Variants in FHOD3 observed in about 807,000 individuals in gnomAD.
FHOD3 encodes the protein FH1/FH2 domain-containing protein 3.
FHOD3 carries 90 observed loss-of-function variants against 173.0 expected under a neutral mutation model. The ratio of observed to expected loss-of-function variants is 0.52; its 90% CI spans 0.44 to 0.62. The LOEUF is 0.62. FHOD3 is among the 20% of genes least tolerant of loss of function. The pLI is 0.00. For missense variants in FHOD3, 1,945 were observed against 2,034.7 expected (o/e 0.96, Z 0.85); for synonymous variants, 828 against 823.0 (o/e 1.01, Z -0.10).
intron 2 of FHOD3, among the ~76,000 whole-genome samples, chr18:36,359,506 C>T (rs905382078): frequency 6.6e-6 from 1 of 152,054 alleles, no homozygotes; most frequent in African/African-American, 2.4e-5. Context: ...GGTTATTTTT[C>T]CTGACGTTGT....
chr18:36,502,834 T>C (rs2055109248), intron 4 of FHOD3, among the ~76,000 whole-genome samples: 1 of 152,228 alleles, frequency 6.6e-6, no homozygotes, highest in South Asian at 2.1e-4. Flanking sequence ...CAATATGTGA[T>C]ATTCTTTTGT....
intron 14 of FHOD3, among the ~76,000 whole-genome samples, chr18:36,679,918 ATCTAT>A (rs2038124192): frequency 6.6e-6 from 1 of 152,340 alleles, no homozygotes; most frequent in African/African-American, 2.4e-5. Flanking sequence ...GGTTAAACAA[ATCTAT>A]TATATGCATA....
intron 27 of FHOD3, among the ~76,000 whole-genome samples, chr18:36,765,567 TTAAAA>T (rs2043105539): frequency 6.6e-6 from 1 of 152,062 alleles, no homozygotes; most frequent in South Asian, 2.1e-4. Context: ...ATTATAAATG[TTAAAA>T]TAAAAACTAA....
At chr18:36,762,768 C>T (rs1467097761) in intron 27 of FHOD3, among the ~76,000 whole-genome samples, 1 of 149,830 alleles carries the variant, frequency 6.7e-6, no homozygotes, top group Non-Finnish European at 1.5e-5. Context: ...TGCACTCAAG[C>T]CTGGGCGAAG....
At chr18:36,420,123 GC>G (rs1021958578) in intron 3 of FHOD3, among the ~76,000 whole-genome samples, 3 of 152,194 alleles carry the variant, frequency 2.0e-5, no homozygotes, top group Non-Finnish European at 2.9e-5. Context: ...GAGGAAGTGT[GC>G]CCTGGGCATT....
chr18:36,424,852 C>T (rs1281179260), intron 3 of FHOD3, among the ~76,000 whole-genome samples: 1 of 152,260 alleles, frequency 6.6e-6, no homozygotes, highest in East Asian at 1.9e-4. Flanking sequence ...CTTTGTTCAG[C>T]GTTTCTGTGC....
At chr18:36,547,758 C>T (rs2057472064) in intron 5 of FHOD3, among the ~76,000 whole-genome samples, 3 of 152,198 alleles carry the variant, frequency 2.0e-5, no homozygotes, top group Non-Finnish European at 4.4e-5. Context: ...TTCTTCACAC[C>T]CCACAGCCAC....
At chr18:36,364,433 A>T (rs2046788721) in intron 2 of FHOD3, among the ~76,000 whole-genome samples, 2 of 152,178 alleles carry the variant, frequency 1.3e-5, no homozygotes, top group Non-Finnish European at 2.9e-5. Flanking sequence ...GCTTTCACTC[A>T]TATGATTTTG....
chr18:36,625,247 T>G (rs2034008981), intron 9 of FHOD3, among the ~76,000 whole-genome samples: 1 of 152,164 alleles, frequency 6.6e-6, no homozygotes, highest in Admixed American at 6.5e-5. Flanking sequence ...CAAAAATATT[T>G]CTCAGACTCA....
intron 4 of FHOD3, among the ~76,000 whole-genome samples, chr18:36,502,796 A>G (rs751700988): frequency 6.6e-6 from 1 of 152,096 alleles, no homozygotes; most frequent in African/African-American, 2.4e-5. Context: ...CCCCACATGC[A>G]TGTTTCCTAA....
intron 1 of FHOD3, among the ~76,000 whole-genome samples, chr18:36,342,270 GAA>G (rs1341710260): frequency 5.3e-5 from 8 of 151,962 alleles, no homozygotes; most frequent in Non-Finnish European, 1.2e-4. Flanking sequence ...AACAGAATGG[GAA>G]AAGAAGGAGA....
chr18:36,394,284 G>A (rs531413530), intron 3 of FHOD3, among the ~76,000 whole-genome samples: 32 of 152,280 alleles, frequency 2.1e-4, no homozygotes, highest in Non-Finnish European at 4.0e-4. Flanking sequence ...TAAGGTCATC[G>A]TGTAGACAGT....
intron 1 of FHOD3, among the ~76,000 whole-genome samples, chr18:36,327,071 T>C (rs1427397183): frequency 6.6e-6 from 1 of 152,228 alleles, no homozygotes; most frequent in Non-Finnish European, 1.5e-5. Context: ...TGAGGTTTCT[T>C]TGAATTGGGA....
chr18:36,309,531 A>T (rs765666791), intron 1 of FHOD3, among the ~76,000 whole-genome samples: 16 of 152,246 alleles, frequency 1.1e-4, no homozygotes, highest in Non-Finnish European at 1.8e-4. Flanking sequence ...ATATCAGATC[A>T]TAGCTTCAGG....
intron 2 of FHOD3, among the ~76,000 whole-genome samples, chr18:36,360,587 T>C (rs2046561434): frequency 6.6e-6 from 1 of 152,180 alleles, no homozygotes. Flanking sequence ...ACATGGGTCC[T>C]GCCAGCTTTG....
chr18:36,529,777 G>A (rs1403307232), intron 5 of FHOD3, among the ~76,000 whole-genome samples: 1 of 152,158 alleles, frequency 6.6e-6, no homozygotes, highest in Non-Finnish European at 1.5e-5. Context: ...TCCAGCCTGG[G>A]TGAAAGAGTG....
intron 3 of FHOD3, among the ~76,000 whole-genome samples, chr18:36,443,435 C>T (rs1353586413): frequency 6.6e-6 from 1 of 152,174 alleles, no homozygotes; most frequent in Non-Finnish European, 1.5e-5. Flanking sequence ...TATTTTGTTG[C>T]TCAAATTGTT....
rs561304853 is a variant in FHOD3 at position 36,586,732 on chromosome 18, G to A, written c.607-8055G>A. On this transcript the variant is annotated intron_variant, in intron 6 of 28. Transcript: ENST00000590592. Reference sequence around the variant, plus strand: ...CCTGACCTCGTGATCCTCCCACCTCGGCCCCGCAAAGTGCTGGGATTACAG... The same window carrying A: ...CCTGACCTCGTGATCCTCCCACCTCAGCCCCGCAAAGTGCTGGGATTACAG... 6.6e-5 allele frequency among the ~76,000 whole-genome samples: 10 copies of A among 152,150 alleles called. No individual in the cohort carries two copies. The South Asian group carries it at 1.9e-3, about 28-fold the overall frequency.
intron 3 of FHOD3, among the ~76,000 whole-genome samples, chr18:36,406,404 G>A (rs1197059467): frequency 7.2e-5 from 11 of 152,126 alleles, no homozygotes; most frequent in African/African-American, 1.7e-4. Context: ...TCCTCTCAGC[G>A]TTTATGGGCC....
Sources: allele counts gnomAD v4.1 joint callset (sites outside exome capture counted in the v4.1 genomes callset), GRCh38; gene constraint gnomAD v4.1.1; transcripts MANE v1.5; gene names NCBI Gene and HGNC (gene_info 2026-07-23, HGNC 2026-07-21).